The following PEAK1 variants were observed in gnomAD, a reference collection of about 807,000 sequenced individuals.
The protein encoded by PEAK1 is inactive tyrosine-protein kinase PEAK1.
A neutral mutation model predicts 124.7 loss-of-function variants in PEAK1; 54 were observed. The observed-to-expected ratio is 0.43, with a 90% CI of 0.35 to 0.54. The LOEUF is 0.54. Among genes scored for constraint, PEAK1 ranks in the 20% least tolerant of loss-of-function variants. PEAK1 has a pLI of 0.01. For missense variants in PEAK1, 2,046 were observed against 2,134.5 expected, an observed-to-expected ratio of 0.96 and a Z score of 0.82; for synonymous variants, 719 against 760.0, an observed-to-expected ratio of 0.95 and a Z score of 0.89.
intron 2 of PEAK1, chr15:77,349,519 C>A (rs1165718953): frequency 1.0e-6 from 1 of 984,892 alleles, no homozygotes; most frequent in African/African-American, 1.7e-5. Flanking sequence ...TATAATGTAG[C>A]AAGACTTACT....
intron 8 of PEAK1, among the ~76,000 whole-genome samples, chr15:77,148,739 A>G (rs1290856708): frequency 6.6e-6 from 1 of 151,184 alleles, no homozygotes; most frequent in African/African-American, 2.4e-5. Flanking sequence ...CAACATAGGG[A>G]GACTCTATCT....
At chr15:77,148,135 A>C (rs1003430536) in intron 8 of PEAK1, among the ~76,000 whole-genome samples, 1 of 152,216 alleles carries the variant, frequency 6.6e-6, no homozygotes, top group Non-Finnish European at 1.5e-5. Flanking sequence ...AAAGTAAAAA[A>C]GAAAAATATA....
At chr15:77,325,078 T>C (rs1459076652) in intron 2 of PEAK1, among the ~76,000 whole-genome samples, 5 of 152,188 alleles carry the variant, frequency 3.3e-5, no homozygotes, top group Admixed American at 6.5e-5. Flanking sequence ...AAAGATAATG[T>C]GGAAAAGAAA....
chr15:77,406,307 G>A (rs2071816584), intron 1 of PEAK1, among the ~76,000 whole-genome samples: 1 of 152,112 alleles, frequency 6.6e-6, no homozygotes, highest in South Asian at 2.1e-4. Flanking sequence ...AAGAAATAAA[G>A]GGCATCCAAA....
At chr15:77,284,891 AACACAC>A (rs72078461) in intron 4 of PEAK1, 61 bp downstream of exon 4, 50,327 of 139,710 alleles carry the variant, frequency 0.36, 9,551 homozygotes, top group Non-Finnish European at 0.45. Context: ...TCTCTACTAA[AACACAC>A]ACACACACAC....
At chr15:77,313,191 G>T (rs9806326) in intron 2 of PEAK1, among the ~76,000 whole-genome samples, 52,697 of 151,896 alleles carry the variant, frequency 0.35, 9,275 homozygotes, top group Non-Finnish European at 0.36. Context: ...CACAAAATAT[G>T]GTTGATATGG....
chr15:77,323,610 A>G (rs1023576049), intron 2 of PEAK1, among the ~76,000 whole-genome samples: 4 of 152,184 alleles, frequency 2.6e-5, no homozygotes, highest in Non-Finnish European at 5.9e-5. Flanking sequence ...AGAACTACAA[A>G]CCACTGCTCA....
At chr15:77,219,130 C>T (rs1034540541) in intron 6 of PEAK1, among the ~76,000 whole-genome samples, 5 of 152,080 alleles carry the variant, frequency 3.3e-5, no homozygotes, top group Non-Finnish European at 7.4e-5. Context: ...TATATGTATA[C>T]TGTATATAAT....
chr15:77,265,240 C>T (rs1044564159), intron 5 of PEAK1, among the ~76,000 whole-genome samples: 1 of 152,046 alleles, frequency 6.6e-6, no homozygotes, highest in Non-Finnish European at 1.5e-5. Context: ...GCAACAAAAG[C>T]CAAAATTGAC....
At chr15:77,165,921 C>A (rs75803947) in intron 7 of PEAK1, among the ~76,000 whole-genome samples, 1 of 152,106 alleles carries the variant, frequency 6.6e-6, no homozygotes. Context: ...GCAACTCTAA[C>A]GTAAATGTTC....
chr15:77,205,435 A>G lies in PEAK1; in HGVS notation c.-114-23395T>C, dbSNP rs537302694. Among the ~76,000 whole-genome samples the G allele has an allele frequency of 5.3e-5, 8 of 152,334 alleles. No individual in the cohort carries two copies. The East Asian group carries it at 1.5e-3, about 29-fold the overall frequency. On this transcript the variant is annotated intron_variant, in intron 6 of 9. Transcript: ENST00000682557. ...AGGATATAGTTATATCCTATAATAC[A>G]AAGCATACTAACTGGCAATATGGAG...
intron 1 of PEAK1, chr15:77,404,000 C>A (rs2071593850): frequency 1.0e-6 from 1 of 969,026 alleles, no homozygotes; most frequent in African/African-American, 1.8e-5. Context: ...TTTTATCACT[C>A]AGGTAATGAG....
At chr15:77,157,953 A>G (rs1470653388) in intron 8 of PEAK1, 2 of 152,796 alleles carry the variant, frequency 1.3e-5, no homozygotes, top group East Asian at 1.9e-4. Context: ...TAACATAAAC[A>G]GCAAAAAGTC....
chr15:77,133,356 A>G lies in PEAK1; in HGVS notation c.3726T>C (p.Ser1242=), dbSNP rs750674475. ...TGCTGTTGGAAAATCTATCCTTAAT[A>G]CTGAGAGTGGTTAAGCTGGAAATGC... The part of the protein sequence containing the change: ...ANSISSLTTL[S]IKDRFSNSME... The change falls in exon 9 of 10, where the codon AGT becomes AGC. Residue 1242 remains serine (S), a synonymous_variant. Coordinates refer to ENST00000682557, the MANE Select transcript of PEAK1 (RefSeq NM_001385026.1). This position sits in a 1 kb window ranked among gnomAD's most constrained non-coding sequence, Gnocchi z 4.2. 1 of 1,614,200 alleles carries G rather than the reference A, an allele frequency of 6.2e-7. No homozygotes were observed. The highest frequency in any genetic ancestry group is 8.5e-7 in the Non-Finnish European group (1 of 1,180,024).
chr15:77,419,266 C>G (rs1198477593), intron 1 of PEAK1: 2 of 985,336 alleles, frequency 2.0e-6, no homozygotes, highest in African/African-American at 3.5e-5. Context: ...GAGGAAAAAA[C>G]GAAATCAAGC....
At chr15:77,418,064 T>G (rs1031389808) in intron 1 of PEAK1, 1 of 984,046 alleles carries the variant, frequency 1.0e-6, no homozygotes, top group Non-Finnish European at 1.2e-6. Context: ...TATTTCTTCA[T>G]GGGCCTTCAG....
chr15:77,405,011 G>GTT (rs751125559), intron 1 of PEAK1, among the ~76,000 whole-genome samples: 28 of 141,640 alleles, frequency 2.0e-4, no homozygotes, highest in African/African-American at 2.8e-4. Context: ...TTAGTTTTTT[G>GTT]TTTTTTTTTT....
At chr15:77,226,064 T>TATATATA (rs1567137641) in intron 6 of PEAK1, among the ~76,000 whole-genome samples, 67 of 133,754 alleles carry the variant, frequency 5.0e-4, no homozygotes, top group African/African-American at 1.8e-3. Context: ...TATATATATA[T>TATATATA]ATATATATAT....
intron 1 of PEAK1, among the ~76,000 whole-genome samples, chr15:77,375,049 CTTAAA>C (rs1344627883): frequency 2.0e-5 from 3 of 152,130 alleles, no homozygotes; most frequent in African/African-American, 7.2e-5. Flanking sequence ...TCCCACTAAT[CTTAAA>C]TTAAAACAAT....
Sources: gnomAD v4.1 joint callset for allele counts (sites outside exome capture counted in the v4.1 genomes callset) on GRCh38, gnomAD v4.1.1 for gene constraint, Gnocchi (gnomAD v3.1) non-coding constraint, MANE v1.5 for transcripts, NCBI Gene and HGNC (gene_info 2026-07-23, HGNC 2026-07-21) for gene names.